Variants in CBR4 observed in about 807,000 individuals in gnomAD.
CBR4 encodes the protein 3-oxoacyl-[acyl-carrier-protein] reductase.
A neutral mutation model predicts 21.0 loss-of-function variants in CBR4; 22 were observed. The observed-to-expected ratio is 1.05, with a 90% CI of 0.75 to 1.50. The LOEUF is 1.50. Ranked by LOEUF, CBR4 falls within the 40% of genes most tolerant of loss-of-function variation. CBR4 has a pLI of 0.00. For missense variants in CBR4, 302 were observed against 286.3 expected (o/e 1.05, Z -0.40); for synonymous variants, 100 against 104.4 (o/e 0.96, Z 0.26).
chr4:168,927,942 T>C (rs1762761914), intron 2 of CBR4: 1 of 199,720 alleles, frequency 5.0e-6, no homozygotes. Flanking sequence ...CTCTCTTAGC[T>C]CAGTTACTCA....
intron 2 of CBR4, chr4:168,926,478 C>G: frequency 1.2e-6 from 1 of 823,710 alleles, no homozygotes; most frequent in Non-Finnish European, 1.8e-6. Flanking sequence ...AGAAACATAC[C>G]TTTGACTATA....
intron 2 of CBR4, chr4:168,924,482 T>A: frequency 7.1e-7 from 1 of 1,408,772 alleles, no homozygotes. Flanking sequence ...TATCAAAAGA[T>A]ACATTTTATA....
intron 2 of CBR4, among the ~76,000 whole-genome samples, chr4:168,971,254 G>C (rs567138954): frequency 6.6e-6 from 1 of 151,366 alleles, no homozygotes; most frequent in African/African-American, 2.4e-5. Flanking sequence ...TATGTTTCTT[G>C]GCCACTTGTA....
intron 4 of CBR4, among the ~76,000 whole-genome samples, chr4:168,997,358 G>T (rs990931864): frequency 5.3e-5 from 8 of 152,132 alleles, no homozygotes; most frequent in African/African-American, 1.9e-4. Context: ...AATTTTTATA[G>T]GAACTCTTTA....
intron 2 of CBR4, among the ~76,000 whole-genome samples, chr4:168,939,357 A>G (rs1433206116): frequency 6.6e-6 from 1 of 152,218 alleles, no homozygotes; most frequent in African/African-American, 2.4e-5. Context: ...AACGGGAAAA[A>G]GCTGGAAGCA....
Position 169,006,847 on chromosome 4 carries a change from T to A in CBR4, c.308A>T (p.Gln103Leu). ...VRTKTEDMVSQLHTNLLGSML... is the reference protein window; with the variant it reads ...VRTKTEDMVSLLHTNLLGSML... ...GGAACCCAAGAGGTTAGTATGAAGC[T>A]GAGATACCATATCTTCAGTTTTTGT... is the stretch of plus-strand genomic sequence containing the variant. Residue 103 changes from glutamine to leucine, a missense_variant, in exon 3 of 5, where the codon CAG (glutamine) becomes CTG (leucine). Transcript: ENST00000306193. 6.2e-7 allele frequency: 1 copy of A among 1,613,088 alleles called. No homozygotes were observed. The highest frequency in any genetic ancestry group is 2.2e-5 in the East Asian group (1 of 44,854).
intron 2 of CBR4, among the ~76,000 whole-genome samples, chr4:168,951,964 T>C (rs1423922296): frequency 2.6e-5 from 4 of 152,238 alleles, no homozygotes; most frequent in Admixed American, 6.5e-5. Flanking sequence ...TCTAAGTCTC[T>C]AGCAAGGCTG....
intron 3 of CBR4, chr4:169,005,919 T>C (rs1382205636): frequency 7.8e-6 from 10 of 1,285,462 alleles, no homozygotes; most frequent in Admixed American, 2.3e-5. Flanking sequence ...TGTGGCCTTT[T>C]AAGGTATTAC....
chr4:169,009,481 G>A (rs1399702967), intron 1 of CBR4, among the ~76,000 whole-genome samples: 1 of 152,252 alleles, frequency 6.6e-6, no homozygotes, highest in Non-Finnish European at 1.5e-5. Context: ...ACGGCCCTTG[G>A]GCAAAACTGA....
intron 2 of CBR4, among the ~76,000 whole-genome samples, chr4:168,914,663 T>A (rs987302750): frequency 2.0e-5 from 3 of 152,202 alleles, no homozygotes. Context: ...TTAAAAAAAA[T>A]TCAGTAAGTC....
chr4:168,967,963 C>T (rs367894525), intron 2 of CBR4, among the ~76,000 whole-genome samples: 18 of 152,112 alleles, frequency 1.2e-4, no homozygotes, highest in East Asian at 5.8e-4. Flanking sequence ...TCTCCAAAGA[C>T]GGCCCTCAAC....
chr4:168,898,000 C>G (rs1260223957), intron 2 of CBR4: 1 of 150,526 alleles, frequency 6.6e-6, no homozygotes, highest in African/African-American at 2.5e-5. Flanking sequence ...ACTATTTTTT[C>G]TATTACCATT....
intron 2 of CBR4, among the ~76,000 whole-genome samples, chr4:168,953,240 C>T (rs1032982325): frequency 5.3e-5 from 8 of 151,890 alleles, no homozygotes; most frequent in Admixed American, 2.0e-4. Context: ...CCACACAATC[C>T]GAAAGGCCGG....
intron 2 of CBR4, among the ~76,000 whole-genome samples, chr4:168,910,220 CTTTTTTTT>C (rs70961563): frequency 8.8e-6 from 1 of 114,010 alleles, no homozygotes. Context: ...AACCTGTTTA[CTTTTTTTT>C]TTTTTTTTTT....
chr4:169,009,075 A>T (rs2126882975), intron 1 of CBR4: 1 of 449,354 alleles, frequency 2.2e-6, no homozygotes, highest in East Asian at 7.0e-5. Context: ...AAAAAAAAAA[A>T]AACCAGATAC....
chr4:168,918,643 ACT>A (rs2126385385), intron 2 of CBR4, among the ~76,000 whole-genome samples: 1 of 152,316 alleles, frequency 6.6e-6, no homozygotes, highest in Admixed American at 6.5e-5. Flanking sequence ...ATAACGATGT[ACT>A]ATATACTTGA....
chr4:168,903,659 A>G (rs1452650775), intron 2 of CBR4: 36 of 982,108 alleles, frequency 3.7e-5, no homozygotes, highest in Non-Finnish European at 5.4e-5. Context: ...ATGAAAACTC[A>G]GATCAGCTCT....
At chr4:168,915,918 G>A (rs1315372640) in intron 2 of CBR4, 2 of 1,613,318 alleles carry the variant, frequency 1.2e-6, no homozygotes, top group South Asian at 1.1e-5. Flanking sequence ...TCAAGGGACA[G>A]TGGAGACGAA....
At chr4:168,984,335 T>C (rs1398182728), downstream of CBR4, among the ~76,000 whole-genome samples, 1 of 151,984 alleles carries the variant, frequency 6.6e-6, no homozygotes, top group East Asian at 1.9e-4. Context: ...TACTTAGCAA[T>C]ACAGCTAACC....
Sources: allele counts gnomAD v4.1 joint callset (sites outside exome capture counted in the v4.1 genomes callset), GRCh38; gene constraint gnomAD v4.1.1; transcripts MANE v1.5; gene names NCBI Gene and HGNC (gene_info 2026-07-23, HGNC 2026-07-21).